CCDC171: variants seen among roughly 807,000 people sequenced by gnomAD.
The protein encoded by CCDC171 is coiled-coil domain-containing protein 171.
In CCDC171, 177 loss-of-function variants were observed where a neutral mutation model predicts 168.2. The observed-to-expected ratio is 1.05, with a 90% CI of 0.93 to 1.19. CCDC171 has a LOEUF of 1.19. CCDC171 is among the 50% of genes most tolerant of loss of function. The pLI, the probability that CCDC171 is intolerant of heterozygous loss-of-function variation, is 0.00. For synonymous variants in CCDC171, 687 were observed against 540.8 expected (o/e 1.27, Z -3.75); for missense variants, 1,991 against 1,539.0 (o/e 1.29, Z -4.91).
At chr9:15,553,481 G>C (rs939359328) in intron 1 of CCDC171, 179 bp downstream of exon 1, 9 of 152,396 alleles carry the variant, frequency 5.9e-5, no homozygotes, top group Admixed American at 2.0e-4. Flanking sequence ...TCTCCGTGGA[G>C]CATCCTAGCC....
chr9:16,082,839 T>A, the CCDC171 span, among the ~76,000 whole-genome samples: 1 of 152,198 alleles, frequency 6.6e-6, no homozygotes, highest in African/African-American at 2.4e-5. Context: ...TGGTTTTCCT[T>A]TTTGGCTTTG....
intron 17 of CCDC171, 54 bp from the exon 18 acceptor site, chr9:15,745,461 T>C (rs1287400113): frequency 1.7e-6 from 2 of 1,146,278 alleles, no homozygotes; most frequent in South Asian, 1.5e-5. Context: ...ATTTTAAATA[T>C]AGATTTTAAT....
At chr9:15,929,993 A>C (rs1826322849) in intron 25 of CCDC171, among the ~76,000 whole-genome samples, 1 of 151,678 alleles carries the variant, frequency 6.6e-6, no homozygotes, top group South Asian at 2.1e-4. Flanking sequence ...CTGTATTTAC[A>C]TGTGTGAGTT....
At position 15,691,556 on chromosome 9, in the gene CCDC171, A is replaced by ATC. The variant is rs1308249757; in HGVS notation, c.1216-3678_1216-3677insCT. On this transcript the variant is annotated intron_variant, in intron 10 of 25. Coordinates refer to ENST00000380701, the MANE Select transcript of CCDC171 (RefSeq NM_173550.4). ...GTAAATATATGTTTTTTATATATAT[A>ATC]TATATATATATATATGTACACATAA... is the stretch of plus-strand genomic sequence containing the variant. 6.9e-5 allele frequency among the ~76,000 whole-genome samples: 10 copies of ATC among 144,046 alleles called. 1 individual carries two copies. The highest frequency in any genetic ancestry group is 6.5e-4 in the South Asian group (3 of 4,634). 94.5% of individuals were successfully genotyped at this position (144,046 alleles called of 152,430 possible). A position where few individuals can be genotyped will look rare whatever the true frequency, so the allele number is the denominator to read the frequency against.
At chr9:16,079,622 C>T in the CCDC171 span, among the ~76,000 whole-genome samples, 1 of 152,220 alleles carries the variant, frequency 6.6e-6, no homozygotes, top group Non-Finnish European at 1.5e-5. Flanking sequence ...CCGATTCTTT[C>T]TGGGTAAGGA....
chr9:15,753,445 A>G (rs923485376), intron 18 of CCDC171, among the ~76,000 whole-genome samples: 7 of 152,204 alleles, frequency 4.6e-5, no homozygotes, highest in African/African-American at 1.4e-4. Context: ...TCCATTATTC[A>G]TATCGGAAGA....
intron 2 of CCDC171, among the ~76,000 whole-genome samples, chr9:15,569,468 C>T (rs977029183): frequency 6.6e-6 from 1 of 152,172 alleles, no homozygotes; most frequent in South Asian, 2.1e-4. Context: ...GTTTTTCATT[C>T]TGCACCTTTT....
At position 15,911,626 on chromosome 9, in the gene CCDC171, C is replaced by G. The variant is rs139798931; in HGVS notation, c.3601-8644C>G. On this transcript the variant is annotated intron_variant, in intron 24 of 25. Transcript: ENST00000380701. The stretch of plus-strand genomic sequence containing the variant: ...TTAGTCATGAAGTCTTTGCCCATGC[C>G]TATGTCCTGAATGGTATTGCCTAGG... 1.8e-3 allele frequency among the ~76,000 whole-genome samples: 278 copies of G among 152,252 alleles called. 2 individuals carry two copies. Among genetic ancestry groups the G allele is most frequent in the African/African-American group, 5.8e-3 (240 of 41,540 alleles).
At chr9:15,965,589 G>T (rs142292568) in intron 25 of CCDC171, among the ~76,000 whole-genome samples, 286 of 152,342 alleles carry the variant, frequency 1.9e-3, no homozygotes, top group African/African-American at 5.3e-3. Flanking sequence ...GATAACGCCT[G>T]TAAAACTAAA....
At chr9:15,907,835 G>T (rs1480618605) in intron 24 of CCDC171, among the ~76,000 whole-genome samples, 3 of 152,176 alleles carry the variant, frequency 2.0e-5, no homozygotes, top group African/African-American at 7.2e-5. Context: ...CCATCAAAAA[G>T]TGGGCAAAGG....
chr9:16,033,358 A>G (rs3008708), intron 6 of CCDC171, among the ~76,000 whole-genome samples: 25,187 of 152,222 alleles, frequency 0.17, 2,164 homozygotes, highest in Middle Eastern at 0.2. Flanking sequence ...GCCACTCTCC[A>G]TCGCTCACAT....
chr9:15,576,132 GTTGTGTGT>G (rs1248115435), intron 3 of CCDC171, among the ~76,000 whole-genome samples: 1 of 106,894 alleles, frequency 9.4e-6, no homozygotes, highest in Non-Finnish European at 1.9e-5. Context: ...TCATATTTCA[GTTGTGTGT>G]GTGTGTGTGT....
At chr9:16,039,039 A>G (rs746208178), upstream of CCDC171, among the ~76,000 whole-genome samples, 11 of 152,236 alleles carry the variant, frequency 7.2e-5, no homozygotes, top group Non-Finnish European at 1.2e-4. Flanking sequence ...TAATCATAGT[A>G]GATGTTTTAA....
intron 25 of CCDC171, among the ~76,000 whole-genome samples, chr9:15,961,392 GTAATT>G (rs1830317369): frequency 6.6e-6 from 1 of 152,276 alleles, no homozygotes; most frequent in South Asian, 2.1e-4. Flanking sequence ...CACAGAAGTC[GTAATT>G]TGGCAGCTGG....
At chr9:15,733,658 A>G (rs529321429) in intron 16 of CCDC171, among the ~76,000 whole-genome samples, 2 of 124,430 alleles carry the variant, frequency 1.6e-5, no homozygotes, top group African/African-American at 2.9e-5. Context: ...TTCTTTCAAT[A>G]CTATACTGAT....
At position 15,971,965 on chromosome 9, in the gene CCDC171, C is replaced by G; in HGVS notation, c.*129C>G. On this transcript the variant is annotated 3_prime_UTR_variant, in exon 26 of 26. Transcript: ENST00000380701. ...TGGATTTAAAAAATTTGTGCGCTATCTTGATGTATTCTGGTAGCTCTGTCT... is the reference window on the plus strand; with the variant it reads ...TGGATTTAAAAAATTTGTGCGCTATGTTGATGTATTCTGGTAGCTCTGTCT... The G allele has an allele frequency of 2.7e-6, 2 of 728,674 alleles. No homozygotes were observed. Among genetic ancestry groups the G allele is most frequent in the Non-Finnish European group, 4.6e-6 (2 of 435,940 alleles). The allele number at this position is 728,674 out of a possible 1,614,324, so 45.1% of individuals were successfully genotyped here. A position where few individuals can be genotyped will look rare whatever the true frequency, so the allele number is the denominator to read the frequency against.
intron 10 of CCDC171, among the ~76,000 whole-genome samples, chr9:15,679,891 A>T (rs1342737356): frequency 6.6e-6 from 1 of 152,036 alleles, no homozygotes; most frequent in East Asian, 1.9e-4. Flanking sequence ...CAGGTTATTC[A>T]TTTCTTTTAC....
chr9:16,043,699 G>T (rs755849214), intron 1 of CCDC171, among the ~76,000 whole-genome samples: 69 of 152,200 alleles, frequency 4.5e-4, no homozygotes, highest in Non-Finnish European at 2.6e-4. Flanking sequence ...ATGTGGCTTT[G>T]TTCCTTACTA....
At position 16,044,911 on chromosome 9, in the gene CCDC171, G is replaced by T. The variant is rs569187776; in HGVS notation, n.89+2025G>T. ...TGCCCCACTCCTTGCTTTGAGCTTG[G>T]CTTCAAACTCTTCTCAAGGACACAT... On this transcript the variant is annotated intron_variant and non_coding_transcript_variant, in intron 1 of 1. Coordinates refer to the CCDC171 transcript ENST00000478913. Among the ~76,000 whole-genome samples the T allele has an allele frequency of 3.3e-5, 5 of 152,174 alleles. No homozygotes were observed. In the South Asian group the frequency reaches 1.0e-3, roughly 32 times the overall value.
Sources: allele counts gnomAD v4.1 joint callset (sites outside exome capture counted in the v4.1 genomes callset), GRCh38; gene constraint gnomAD v4.1.1; transcripts MANE v1.5; gene names NCBI Gene and HGNC (gene_info 2026-07-23, HGNC 2026-07-21).